The following F8 variants were observed in gnomAD, a reference collection of about 807,000 sequenced individuals.
F8 encodes the protein coagulation factor VIII, also known as antihemophilic factor.
In F8, 12 loss-of-function variants were observed where a neutral mutation model predicts 140.6. That is an observed-to-expected ratio of 0.09 (90% CI 0.05 to 0.14). F8 has a LOEUF of 0.14. F8 is among the 10% of genes least tolerant of loss of function. F8 has a pLI of 1.00. For missense variants in F8, 1,354 were observed against 1,720.7 expected (o/e 0.79, Z 3.77); for synonymous variants, 585 against 614.6 (o/e 0.95, Z 0.71).
chrX:154,875,451 A>G (rs1303631473), intron 22 of F8, among the ~76,000 whole-genome samples: 1 of 112,254 alleles, frequency 8.9e-6, no homozygotes, highest in East Asian at 2.8e-4. Flanking sequence ...TGTATCAAAC[A>G]TCATATATGA....
intron 13 of F8, among the ~76,000 whole-genome samples, chrX:154,932,358 G>T (rs1235995204): frequency 1.8e-5 from 2 of 112,216 alleles, no homozygotes; most frequent in Non-Finnish European, 3.8e-5. Flanking sequence ...CCATGAACAA[G>T]ATTAGCTGAG....
chrX:154,998,600 C>T (rs1488626504), intron 2 of F8, among the ~76,000 whole-genome samples: 1 of 112,465 alleles, frequency 8.9e-6, no homozygotes, highest in Non-Finnish European at 1.9e-5. Flanking sequence ...ATACCTTCTC[C>T]AGCTGGTCAC....
At chrX:155,010,840 A>G (rs904045782) in intron 1 of F8, among the ~76,000 whole-genome samples, 1 of 111,712 alleles carries the variant, frequency 9.0e-6, no homozygotes, top group Non-Finnish European at 1.9e-5. Context: ...GCTCATCTGC[A>G]GGCTATATAG....
intron 25 of F8, among the ~76,000 whole-genome samples, chrX:154,849,066 C>T (rs782513911): frequency 1.2e-4 from 13 of 111,252 alleles, no homozygotes; most frequent in African/African-American, 3.6e-4. Context: ...TCTAGCCTCC[C>T]GAGTTCACGC....
chrX:154,940,390 C>T (rs189933605), intron 13 of F8, among the ~76,000 whole-genome samples: 45 of 111,648 alleles, frequency 4.0e-4, no homozygotes, highest in Non-Finnish European at 5.5e-4. Flanking sequence ...GTAACCAATG[C>T]GATCAACTGG....
intron 10 of F8, among the ~76,000 whole-genome samples, chrX:154,960,660 T>C (rs2073390979): frequency 1.8e-5 from 2 of 108,406 alleles, no homozygotes; most frequent in Non-Finnish European, 3.8e-5. Context: ...ATCCTGAAAA[T>C]ATCAAACTAG....
At chrX:154,947,615 A>G in intron 13 of F8, 83 bp downstream of exon 13, 1 of 713,728 alleles carries the variant, frequency 1.4e-6, no homozygotes, top group Non-Finnish European at 2.2e-6. Context: ...AAATGACAGC[A>G]TGTGAGCTAG....
At chrX:154,957,224 A>G (rs1557281286) in intron 10 of F8, 53 bp from the exon 11 acceptor site, 1 of 930,694 alleles carries the variant, frequency 1.1e-6, no homozygotes, top group African/African-American at 1.9e-5. Context: ...CAAGCCACAT[A>G]TTGATAATCA....
At chrX:154,943,255 A>G (rs1254786853) in intron 13 of F8, among the ~76,000 whole-genome samples, 1 of 111,932 alleles carries the variant, frequency 8.9e-6, no homozygotes, top group Non-Finnish European at 1.9e-5. Context: ...TCAGGATTGT[A>G]TATCTAGAAA....
intron 25 of F8, 64 bp downstream of exon 25, chrX:154,860,368 T>C: frequency 1.7e-6 from 2 of 1,150,325 alleles, no homozygotes; most frequent in South Asian, 1.8e-5. Context: ...TTATGTTATG[T>C]TAAGCTCTAG....
intron 22 of F8, among the ~76,000 whole-genome samples, chrX:154,885,772 C>CT (rs1270832885): frequency 4.3e-5 from 4 of 93,798 alleles, no homozygotes; most frequent in African/African-American, 1.7e-4. Context: ...CCCGCTGGTT[C>CT]TGAGCAAGTC....
At chrX:154,862,857 G>A (rs1557272954) in intron 23 of F8, among the ~76,000 whole-genome samples, 2 of 112,226 alleles carry the variant, frequency 1.8e-5, no homozygotes, top group Non-Finnish European at 3.8e-5. Flanking sequence ...ATGCGTGCAT[G>A]TGTCTTTATG....
rs1347380485 is a variant in F8 at position 155,022,695 on chromosome X, T to C, written c.-143A>G. 1.8e-6 allele frequency: 2 copies of C among 1,138,789 alleles called. No homozygotes were observed. The highest frequency in any genetic ancestry group is 2.3e-6 in the Non-Finnish European group (2 of 864,364). The allele number at this position is 1,138,789 out of a possible 1,213,427, so 93.8% of individuals were successfully genotyped here. A position where few individuals can be genotyped will look rare whatever the true frequency, so the allele number is the denominator to read the frequency against. ...TCTTTGCAGAGCATTTTAAGGAACT[T>C]TACCCACTGGATGTGCTCAGCACTA... On this transcript the variant is annotated 5_prime_UTR_variant, in exon 1 of 26. Coordinates refer to ENST00000360256, the MANE Select transcript of F8 (RefSeq NM_000132.4).
chrX:155,011,927 A>G (rs1240143706), intron 1 of F8, among the ~76,000 whole-genome samples: 1 of 112,649 alleles, frequency 8.9e-6, no homozygotes, highest in Non-Finnish European at 1.9e-5. Context: ...TTTACATGAA[A>G]TATCCAGAAT....
chrX:154,985,157 C>T (rs1291604545), intron 5 of F8, among the ~76,000 whole-genome samples: 1 of 111,668 alleles, frequency 9.0e-6, no homozygotes, highest in Non-Finnish European at 1.9e-5. Context: ...TCCTAGGGGC[C>T]GGGCGCGGTG....
intron 14 of F8, among the ~76,000 whole-genome samples, chrX:154,918,442 C>A (rs1329739532): frequency 9.0e-6 from 1 of 110,849 alleles, no homozygotes; most frequent in Non-Finnish European, 1.9e-5. Flanking sequence ...CGGATTGAGG[C>A]AGGAATGATT....
chrX:154,934,456 A>G (rs1227922713), intron 13 of F8, among the ~76,000 whole-genome samples: 1 of 111,906 alleles, frequency 8.9e-6, no homozygotes, highest in Non-Finnish European at 1.9e-5. Context: ...GTCATTCATT[A>G]TAACAATGGG....
At chrX:154,947,508 A>G (rs1259494116) in intron 13 of F8, among the ~76,000 whole-genome samples, 190 bp downstream of exon 13, 3 of 111,532 alleles carry the variant, frequency 2.7e-5, no homozygotes, top group Admixed American at 9.6e-5. Context: ...TAGAACTACT[A>G]CGTGATCCTT....
chrX:154,994,577 T>C (rs1366494210), intron 3 of F8, among the ~76,000 whole-genome samples: 2 of 111,985 alleles, frequency 1.8e-5, no homozygotes, highest in African/African-American at 6.5e-5. Flanking sequence ...CTGTAGAATA[T>C]CCCATGCTAT....
Sources: allele counts gnomAD v4.1 joint callset (sites outside exome capture counted in the v4.1 genomes callset), GRCh38; gene constraint gnomAD v4.1.1; transcripts MANE v1.5; gene names NCBI Gene and HGNC (gene_info 2026-07-23, HGNC 2026-07-21).